The following THSD7A variants were observed in gnomAD, a reference collection of about 807,000 sequenced individuals.
THSD7A encodes thrombospondin type-1 domain-containing protein 7A.
THSD7A carries 96 observed loss-of-function variants against 231.3 expected under a neutral mutation model. The ratio of observed to expected loss-of-function variants is 0.41; its 90% CI spans 0.35 to 0.49. The LOEUF (loss-of-function observed/expected upper bound fraction) is 0.49. Ranked by LOEUF, THSD7A falls within the 20% of genes least tolerant of loss-of-function variation. The pLI is 0.05. For missense variants in THSD7A, 2,290 were observed against 2,070.2 expected (o/e 1.11, Z -2.06); for synonymous variants, 940 against 743.3 (o/e 1.26, Z -4.30).
chr7:11,515,605 A>C (rs901804564), intron 6 of THSD7A, among the ~76,000 whole-genome samples: 1 of 152,156 alleles, frequency 6.6e-6, no homozygotes, highest in Non-Finnish European at 1.5e-5. Context: ...CCAAACACAC[A>C]GCTATTGTCA....
intron 1 of THSD7A, among the ~76,000 whole-genome samples, chr7:11,676,885 C>T (rs56125236): frequency 0.031 from 4,722 of 152,214 alleles, 253 homozygotes; most frequent in African/African-American, 0.11. Flanking sequence ...CCTAGCAAGA[C>T]AGGCCAACAT....
chr7:11,754,158 A>G (rs1782600814), intron 1 of THSD7A, among the ~76,000 whole-genome samples: 1 of 152,092 alleles, frequency 6.6e-6, no homozygotes, highest in African/African-American at 2.4e-5. Context: ...TAAATAATCT[A>G]TTACAAATAT....
chr7:11,609,574 T>C (rs1780853158), intron 2 of THSD7A, among the ~76,000 whole-genome samples: 1 of 152,124 alleles, frequency 6.6e-6, no homozygotes, highest in Non-Finnish European at 1.5e-5. Context: ...CTAAATATTA[T>C]TGTTGCCCAA....
At chr7:11,616,047 T>C (rs912821475) in intron 2 of THSD7A, among the ~76,000 whole-genome samples, 2 of 152,238 alleles carry the variant, frequency 1.3e-5, no homozygotes, top group Non-Finnish European at 2.9e-5. Context: ...ATATTACTAA[T>C]GTCATAGTGC....
intron 7 of THSD7A, among the ~76,000 whole-genome samples, chr7:11,477,168 G>A (rs2128303321): frequency 6.6e-6 from 1 of 152,272 alleles, no homozygotes; most frequent in Non-Finnish European, 1.5e-5. Flanking sequence ...TCAGAATCAA[G>A]CATTACATTT....
At chr7:11,457,077 T>C (rs1785332495) in intron 11 of THSD7A, among the ~76,000 whole-genome samples, 1 of 152,072 alleles carries the variant, frequency 6.6e-6, no homozygotes, top group Admixed American at 6.6e-5. Flanking sequence ...TGATAAGGTA[T>C]AATCGCTTTT....
At chr7:11,734,770 G>A (rs1476281641) in intron 1 of THSD7A, among the ~76,000 whole-genome samples, 1 of 151,782 alleles carries the variant, frequency 6.6e-6, no homozygotes, top group Non-Finnish European at 1.5e-5. Context: ...TTCATACAAG[G>A]CATAACACAG....
At position 11,406,280 on chromosome 7, in the gene THSD7A, T is replaced by C; in HGVS notation, c.4237+20A>G. On this transcript the variant is annotated intron_variant, in intron 22 of 27. Coordinates refer to ENST00000423059, the MANE Select transcript of THSD7A (RefSeq NM_015204.3). This position sits in a 1 kb window ranked among gnomAD's most constrained non-coding sequence, Gnocchi z 4.7. The stretch of plus-strand genomic sequence containing the variant: ...TAGGAAAAAATAATCAGAATATGAA[T>C]TCTCCTTTGCCGTTGTTACCTGGGC... 6.3e-7 allele frequency: 1 copy of C among 1,588,704 alleles called. No homozygotes were observed. Among genetic ancestry groups the C allele is most frequent in the Non-Finnish European group, 8.6e-7 (1 of 1,168,954 alleles).
At chr7:11,672,460 A>G (rs1783431067) in intron 1 of THSD7A, among the ~76,000 whole-genome samples, 1 of 152,106 alleles carries the variant, frequency 6.6e-6, no homozygotes, top group South Asian at 2.1e-4. Context: ...ATCATACACT[A>G]ATATAAAGAT....
At chr7:11,754,480 A>C (rs1782612169) in intron 1 of THSD7A, among the ~76,000 whole-genome samples, 1 of 152,084 alleles carries the variant, frequency 6.6e-6, no homozygotes, top group Non-Finnish European at 1.5e-5. Context: ...AATTGAAGAA[A>C]TTACATGTTT....
At chr7:11,663,745 A>G (rs534126730) in intron 1 of THSD7A, among the ~76,000 whole-genome samples, 1 of 151,774 alleles carries the variant, frequency 6.6e-6, no homozygotes, top group South Asian at 2.1e-4. Flanking sequence ...AATGTTTAAA[A>G]AGTCAATTGA....
rs1013056033 is a variant in THSD7A, at chr7:11,773,315, T to C, written c.190+58442A>G. 2.6e-5 allele frequency among the ~76,000 whole-genome samples: 4 copies of C among 152,050 alleles called. No homozygotes were observed. In the South Asian group the frequency reaches 6.2e-4, roughly 24 times the overall value. ...TTGGGAGGCCGAGGCGGGCAGATCA[T>C]CTAGGTCGGGAGTTCGTGACCAGCC... On this transcript the variant is annotated intron_variant, in intron 1 of 27. Coordinates refer to ENST00000423059, the MANE Select transcript of THSD7A (RefSeq NM_015204.3).
intron 1 of THSD7A, among the ~76,000 whole-genome samples, chr7:11,692,408 A>G (rs1472750478): frequency 1.3e-5 from 2 of 151,614 alleles, no homozygotes; most frequent in Non-Finnish European, 3.0e-5. Context: ...TTTCCCACTG[A>G]AAAATAGGAC....
At chr7:11,511,357 C>A (rs1787801133) in intron 6 of THSD7A, among the ~76,000 whole-genome samples, 1 of 152,142 alleles carries the variant, frequency 6.6e-6, no homozygotes, top group Admixed American at 6.6e-5. Flanking sequence ...GGCCATATTG[C>A]CCAAAGTAAT....
intron 1 of THSD7A, among the ~76,000 whole-genome samples, chr7:11,784,313 C>T (rs567932527): frequency 6.6e-6 from 1 of 151,278 alleles, no homozygotes; most frequent in South Asian, 2.1e-4. Context: ...TTTTGGGATG[C>T]ATGTCTTTCA....
chr7:11,689,563 G>A (rs934941039), intron 1 of THSD7A, among the ~76,000 whole-genome samples: 2 of 151,482 alleles, frequency 1.3e-5, no homozygotes, highest in African/African-American at 2.4e-5. Context: ...AGTAAATGAT[G>A]TTATCCCCTT....
At chr7:11,664,113 T>C (rs754301722) in intron 1 of THSD7A, among the ~76,000 whole-genome samples, 6 of 151,776 alleles carry the variant, frequency 4.0e-5, no homozygotes, top group African/African-American at 7.2e-5. Flanking sequence ...TTTTATTATA[T>C]TGATATTCCT....
intron 13 of THSD7A, among the ~76,000 whole-genome samples, chr7:11,437,553 C>G (rs1208878162): frequency 6.6e-6 from 1 of 152,040 alleles, no homozygotes; most frequent in South Asian, 2.1e-4. Flanking sequence ...AATACTCGCT[C>G]TACCTATGCT....
At chr7:11,507,944 AG>A (rs1787623709) in intron 6 of THSD7A, among the ~76,000 whole-genome samples, 1 of 152,226 alleles carries the variant, frequency 6.6e-6, no homozygotes, top group South Asian at 2.1e-4. Context: ...ATTGACTCAC[AG>A]TTCTGCATGG....
Sources: gnomAD v4.1 joint callset for allele counts (sites outside exome capture counted in the v4.1 genomes callset) on GRCh38, gnomAD v4.1.1 for gene constraint, Gnocchi (gnomAD v3.1) non-coding constraint, MANE v1.5 for transcripts, NCBI Gene and HGNC (gene_info 2026-07-23, HGNC 2026-07-21) for gene names.